Variants in TBXAS1 observed in about 807,000 individuals in gnomAD.
TBXAS1 encodes the protein thromboxane A synthase 1, also known as thromboxane-A synthase.
In TBXAS1, 48 loss-of-function variants were observed where a neutral mutation model predicts 60.7. That is an observed-to-expected ratio of 0.79 (90% confidence interval 0.63 to 1.01). The LOEUF (loss-of-function observed/expected upper bound fraction) is 1.01. Among genes scored for constraint, TBXAS1 ranks in the 50% least tolerant of loss-of-function variants. The pLI is 0.00. For missense variants in TBXAS1, 685 were observed against 686.3 expected, an observed-to-expected ratio of 1.00 and a Z score of 0.02; for synonymous variants, 287 against 269.7, an observed-to-expected ratio of 1.06 and a Z score of -0.63.
intron 3 of TBXAS1, among the ~76,000 whole-genome samples, chr7:139,908,057 G>C (rs1342072072): frequency 6.6e-6 from 1 of 151,848 alleles, no homozygotes; most frequent in East Asian, 1.9e-4. Flanking sequence ...ATCTTTGTTA[G>C]TCTTGTTCGA....
At chr7:139,970,326 C>G (rs1283275310) in intron 9 of TBXAS1, among the ~76,000 whole-genome samples, 1 of 152,210 alleles carries the variant, frequency 6.6e-6, no homozygotes, top group Non-Finnish European at 1.5e-5. Flanking sequence ...AGGCTAGTCT[C>G]GAACTCCTGA....
chr7:139,997,321 A>T lies in TBXAS1; in HGVS notation c.1135-9770A>T, dbSNP rs182742016. On this transcript the variant is annotated intron_variant, in intron 9 of 12. Coordinates refer to ENST00000448866, the MANE Select transcript of TBXAS1 (RefSeq NM_001061.7). Reference sequence around the variant, plus strand: ...AGAAAGTGGGCTAGGTGATTTAACTATCACTTACTTAGGGGCTTATTTCTT... The same window carrying T: ...AGAAAGTGGGCTAGGTGATTTAACTTTCACTTACTTAGGGGCTTATTTCTT... 1.0e-3 allele frequency among the ~76,000 whole-genome samples: 154 copies of T among 152,306 alleles called. 1 individual carries two copies. In the Middle Eastern group the frequency reaches 0.014, roughly 13 times the overall value.
rs1809817227 is a variant in TBXAS1, at chr7:139,955,717, C to T, written c.688+110C>T. ...CTGTCCCTGCCACTGGGAAAGGGCA[C>T]TCGGGTTGTTCCCCTGCAGAGGCTT... is the stretch of plus-strand genomic sequence containing the variant. On this transcript the variant is annotated intron_variant, in intron 7 of 12. Coordinates refer to ENST00000448866, the MANE Select transcript of TBXAS1 (RefSeq NM_001061.7). The T allele has an allele frequency of 4.6e-6, 7 of 1,507,634 alleles. No individual in the cohort carries two copies. In the South Asian group the frequency reaches 6.8e-5, roughly 15 times the overall value. 93.4% of individuals were successfully genotyped at this position (1,507,634 alleles called of 1,614,324 possible).
intron 9 of TBXAS1, among the ~76,000 whole-genome samples, chr7:139,990,485 C>T (rs971864565): frequency 5.3e-5 from 8 of 152,138 alleles, no homozygotes; most frequent in South Asian, 4.1e-4. Context: ...CAGCCAGCCT[C>T]GAGCACCTGT....
chr7:140,016,139 T>C lies in TBXAS1; in HGVS notation c.1364+279T>C, dbSNP rs7781159. Reference sequence around the variant, plus strand: ...GTCAGGAGATCGAGACCATCCTGGCTAACACGGTGAAACCCCATCTCTACT... The same window carrying C: ...GTCAGGAGATCGAGACCATCCTGGCCAACACGGTGAAACCCCATCTCTACT... On this transcript the variant is annotated intron_variant, in intron 11 of 12. Transcript: ENST00000448866. Among the ~76,000 whole-genome samples, 269 of 152,084 alleles carry C rather than the reference T, an allele frequency of 1.8e-3. 1 individual carries two copies. The highest frequency in any genetic ancestry group is 5.6e-3 in the African/African-American group (232 of 41,468).
At chr7:139,984,644 A>AGAGAGAG (rs1569522277) in intron 9 of TBXAS1, among the ~76,000 whole-genome samples, 4 of 82,188 alleles carry the variant, frequency 4.9e-5, no homozygotes, top group Non-Finnish European at 7.1e-5. Context: ...GAGAGAGAGA[A>AGAGAGAG]AGAAAGAAAG....
intron 4 of TBXAS1, among the ~76,000 whole-genome samples, chr7:139,809,633 C>T (rs980752992): frequency 1.3e-5 from 2 of 152,140 alleles, no homozygotes; most frequent in Non-Finnish European, 2.9e-5. Flanking sequence ...GGCTTGAGAA[C>T]TTGAGGGGGT....
intron 10 of TBXAS1, 53 bp downstream of exon 10, chr7:140,007,235 C>G (rs1814158842): frequency 6.5e-7 from 1 of 1,530,526 alleles, no homozygotes; most frequent in East Asian, 2.3e-5. Context: ...CCCCTACCCC[C>G]TGCCCCAGCC....
chr7:139,938,424 C>A (rs550742908), intron 5 of TBXAS1, among the ~76,000 whole-genome samples: 1 of 152,302 alleles, frequency 6.6e-6, no homozygotes, highest in South Asian at 2.1e-4. Flanking sequence ...GAACCACCAC[C>A]AGTAGAAGTT....
At chr7:139,867,746 A>G (rs1487527478) in intron 1 of TBXAS1, among the ~76,000 whole-genome samples, 1 of 152,112 alleles carries the variant, frequency 6.6e-6, no homozygotes, top group Non-Finnish European at 1.5e-5. Flanking sequence ...GAGCCCAGGA[A>G]GAGGAGGTTG....
chr7:139,925,657 C>A (rs1453361125), intron 4 of TBXAS1, among the ~76,000 whole-genome samples: 1 of 152,168 alleles, frequency 6.6e-6, no homozygotes, highest in East Asian at 1.9e-4. Flanking sequence ...ACTGATTACT[C>A]TAGCCAGGAC....
chr7:140,007,351 G>A (rs896133051), intron 10 of TBXAS1, among the ~76,000 whole-genome samples, 169 bp downstream of exon 10: 5 of 152,102 alleles, frequency 3.3e-5, no homozygotes, highest in African/African-American at 7.2e-5. Context: ...TATCTGGCCC[G>A]CTTTCCTACA....
chr7:139,962,383 T>C (rs1810443888), intron 9 of TBXAS1, 150 bp downstream of exon 9: 1 of 956,348 alleles, frequency 1.0e-6, no homozygotes, highest in Non-Finnish European at 1.6e-6. Context: ...CTTCTCCTGC[T>C]CTCCGGGTTA....
chr7:139,973,364 A>G (rs1029714433), intron 9 of TBXAS1, among the ~76,000 whole-genome samples: 2 of 151,988 alleles, frequency 1.3e-5, no homozygotes, highest in Non-Finnish European at 2.9e-5. Flanking sequence ...CTGCTTCCAC[A>G]CTCCACTAAT....
intron 4 of TBXAS1, among the ~76,000 whole-genome samples, chr7:139,923,419 T>C (rs1024399171): frequency 3.3e-5 from 5 of 152,040 alleles, no homozygotes; most frequent in Non-Finnish European, 7.4e-5. Flanking sequence ...CATATATCTG[T>C]TTACAGGAAT....
In TBXAS1 at chr7:140,020,033, G is replaced by A; in HGVS notation, c.1536G>A (p.Leu512=). The change falls in exon 13 of 13, where the codon CTG becomes CTA. Residue 512 remains leucine, a synonymous_variant. Transcript: ENST00000448866. The part of the protein sequence containing the change: ...FQACPETQVP[L]QLESKSALGP... ...AATTTTCTCTATTTTAGGTACCGCT[G>A]CAGCTAGAATCCAAATCTGCCCTAG... The A allele has an allele frequency of 6.2e-7, 1 of 1,613,694 alleles. No individual in the cohort carries two copies. The highest frequency in any genetic ancestry group is 8.5e-7 in the Non-Finnish European group (1 of 1,179,886).
At chr7:139,885,773 A>C (rs1803043909) in intron 3 of TBXAS1, among the ~76,000 whole-genome samples, 1 of 152,366 alleles carries the variant, frequency 6.6e-6, no homozygotes, top group South Asian at 2.1e-4. Context: ...AAGTTCTTAG[A>C]AATCCTTGCT....
At chr7:139,984,722 A>G (rs1340060228) in intron 9 of TBXAS1, among the ~76,000 whole-genome samples, 1 of 149,086 alleles carries the variant, frequency 6.7e-6, no homozygotes, top group Admixed American at 6.8e-5. Flanking sequence ...GGAAGGAAGG[A>G]AAAGAAAGAA....
At chr7:140,010,907 T>C (rs1302264387) in intron 10 of TBXAS1, among the ~76,000 whole-genome samples, 1 of 151,612 alleles carries the variant, frequency 6.6e-6, no homozygotes, top group Non-Finnish European at 1.5e-5. Flanking sequence ...AAATCCAGCA[T>C]AGAATTATTT....
Sources: gnomAD v4.1 joint callset for allele counts (sites outside exome capture counted in the v4.1 genomes callset) on GRCh38, gnomAD v4.1.1 for gene constraint, MANE v1.5 for transcripts, NCBI Gene and HGNC (gene_info 2026-07-23, HGNC 2026-07-21) for gene names.